The following CTPS1 variants were observed in gnomAD, a reference collection of about 807,000 sequenced individuals.
The protein encoded by CTPS1 is CTP synthetase 1.
Under a neutral mutation model 80.5 loss-of-function variants are expected in CTPS1, and 25 were observed. That is an observed-to-expected ratio of 0.31 (90% CI 0.23 to 0.43). CTPS1 has a LOEUF of 0.43. Ranked by LOEUF, CTPS1 falls within the 20% of genes least tolerant of loss-of-function variation. The pLI is 1.00. For missense variants in CTPS1, 442 were observed against 725.7 expected, an observed-to-expected ratio of 0.61 and a Z score of 4.49; for synonymous variants, 267 against 252.5, an observed-to-expected ratio of 1.06 and a Z score of -0.54.
rs1558143660 is a variant in CTPS1 at position 40,991,723 on chromosome 1, A to AT, written c.640-36dup. On this transcript the variant is annotated intron_variant, in intron 6 of 18. Coordinates refer to ENST00000650070, the MANE Select transcript of CTPS1 (RefSeq NM_001905.4). ...GTCAGGAGAAACCCCTACTTCTGTC[A>AT]TTTTTTCCTTCTGTCTAAGCCATCT... 4.2e-6 allele frequency: 6 copies of AT among 1,434,432 alleles called. No homozygotes were observed. In the East Asian group the frequency reaches 6.9e-5, roughly 16 times the overall value. 88.9% of individuals were successfully genotyped at this position (1,434,432 alleles called of 1,614,324 possible).
intron 7 of CTPS1, among the ~76,000 whole-genome samples, chr1:40,992,808 C>T (rs1257746410): frequency 2.0e-5 from 3 of 151,122 alleles, no homozygotes; most frequent in East Asian, 2.0e-4. Flanking sequence ...ATTCTCCTAC[C>T]TCAGCTTCCC....
At chr1:40,987,766 C>A (rs1203837381) in intron 4 of CTPS1, among the ~76,000 whole-genome samples, 3 of 152,166 alleles carry the variant, frequency 2.0e-5, no homozygotes, top group South Asian at 2.1e-4. Flanking sequence ...GTCAGCAGAT[C>A]TTTTGCTTTC....
intron 6 of CTPS1, 141 bp downstream of exon 6, chr1:40,991,389 G>C (rs967659461): frequency 1.5e-6 from 1 of 659,730 alleles, no homozygotes; most frequent in Non-Finnish European, 2.5e-6. Flanking sequence ...TCTTTGAACC[G>C]GGCTGTAGTT....
chr1:40,997,921 G>T (rs923847095), intron 9 of CTPS1, among the ~76,000 whole-genome samples: 1 of 152,230 alleles, frequency 6.6e-6, no homozygotes, highest in Non-Finnish European at 1.5e-5. Flanking sequence ...ACTTATTGCA[G>T]AGTGGGAATG....
intron 5 of CTPS1, among the ~76,000 whole-genome samples, chr1:40,989,474 G>T (rs1213350027): frequency 6.6e-6 from 1 of 152,254 alleles, no homozygotes; most frequent in Non-Finnish European, 1.5e-5. Flanking sequence ...GTCTTCTGGG[G>T]TATGGATAGC....
chr1:41,001,254 C>T, intron 10 of CTPS1, 137 bp downstream of exon 10: 1 of 597,988 alleles, frequency 1.7e-6, no homozygotes, highest in East Asian at 3.6e-5. Context: ...GACTACATGC[C>T]ATCTGATTTA....
chr1:40,983,942 A>G (rs1056325509), intron 2 of CTPS1, among the ~76,000 whole-genome samples: 3 of 152,212 alleles, frequency 2.0e-5, no homozygotes, highest in Admixed American at 6.5e-5. Flanking sequence ...GAACCTGTCA[A>G]TGGTGTGACA....
chr1:40,984,364 A>G (rs1049517114), intron 2 of CTPS1, among the ~76,000 whole-genome samples: 2 of 152,254 alleles, frequency 1.3e-5, no homozygotes, highest in Non-Finnish European at 2.9e-5. Flanking sequence ...TTTAGAACAA[A>G]AGCAGAGCTC....
At chr1:40,995,814 G>T in intron 7 of CTPS1, 103 bp from the exon 8 acceptor site, 1 of 1,220,308 alleles carries the variant, frequency 8.2e-7, no homozygotes, top group South Asian at 1.5e-5. Context: ...CCTTTTTTCT[G>T]TTTTCAAATA....
intron 9 of CTPS1, among the ~76,000 whole-genome samples, chr1:41,000,215 A>ATGTTTTGTTT (rs113751290): frequency 7.0e-4 from 104 of 147,540 alleles, no homozygotes; most frequent in African/African-American, 2.0e-3. Context: ...ATGGTAACTT[A>ATGTTTTGTTT]TGTTTTGTTT....
rs932574746 is a variant in CTPS1, at chr1:41,007,327, A to T, written c.1297-122A>T. The stretch of plus-strand genomic sequence containing the variant: ...ATTTTCTTCTGTGACAAAATGTCTC[A>T]TAAGGAAAGCCTGGAGAATTAGAGC... On this transcript the variant is annotated intron_variant, in intron 13 of 18. Coordinates refer to ENST00000650070, the MANE Select transcript of CTPS1 (RefSeq NM_001905.4). This position sits in a 1 kb window ranked among gnomAD's most constrained non-coding sequence, Gnocchi z 4.4. 64 of 802,946 alleles carry T rather than the reference A, an allele frequency of 8.0e-5. No homozygotes were observed. Among genetic ancestry groups the T allele is most frequent in the Admixed American group, 5.5e-4 (22 of 40,108 alleles). 49.7% of individuals were successfully genotyped at this position (802,946 alleles called of 1,614,324 possible). A position where few individuals can be genotyped will look rare whatever the true frequency, so the allele number is the denominator to read the frequency against.
Position 40,988,483 on chromosome 1 carries a change from C to T in CTPS1, c.439-111C>T, listed in dbSNP as rs879145537. 4.3e-5 allele frequency: 31 copies of T among 721,216 alleles called. No homozygotes were observed. The Middle Eastern group carries it at 7.6e-4, about 18-fold the overall frequency. The allele number at this position is 721,216 out of a possible 1,614,324, so 44.7% of individuals were successfully genotyped here. Reference sequence around the variant, plus strand: ...TAACATTATACAGGGTTAGAGAGTCCGTGTTACATAATTACTGATACTGAA... The same window carrying T: ...TAACATTATACAGGGTTAGAGAGTCTGTGTTACATAATTACTGATACTGAA... On this transcript the variant is annotated intron_variant, in intron 4 of 18. Transcript: ENST00000650070.
chr1:40,984,452 T>G (rs952977333), intron 2 of CTPS1, among the ~76,000 whole-genome samples: 1 of 152,270 alleles, frequency 6.6e-6, no homozygotes, highest in Admixed American at 6.5e-5. Flanking sequence ...TATCATACTT[T>G]AAACCATATT....
At chr1:40,996,111 T>A (rs747865284) in intron 8 of CTPS1, 43 bp downstream of exon 8, 3 of 1,611,274 alleles carry the variant, frequency 1.9e-6, no homozygotes, top group Non-Finnish European at 2.5e-6. Flanking sequence ...CCTCCTTTAC[T>A]CTTTTGTAGG....
intron 1 of CTPS1, chr1:40,981,926 T>A (rs1642318856): frequency 1.6e-6 from 2 of 1,248,218 alleles, no homozygotes; most frequent in African/African-American, 3.1e-5. Flanking sequence ...TGTTCCTTAG[T>A]TTATTTTTAT....
intron 1 of CTPS1, chr1:40,981,166 G>C (rs1651875165): frequency 6.6e-6 from 1 of 152,184 alleles, no homozygotes; most frequent in Non-Finnish European, 1.5e-5. Flanking sequence ...TGGACTGCCA[G>C]AAAGTTGAGA....
intron 9 of CTPS1, among the ~76,000 whole-genome samples, chr1:41,000,593 A>G (rs374350065): frequency 6.6e-6 from 1 of 152,038 alleles, no homozygotes; most frequent in East Asian, 1.9e-4. Flanking sequence ...AAACTCTTCA[A>G]AGTATGCACT....
intron 12 of CTPS1, among the ~76,000 whole-genome samples, 175 bp from the exon 13 acceptor site, chr1:41,005,876 C>G (rs1643021065): frequency 6.6e-6 from 1 of 152,160 alleles, no homozygotes; most frequent in Non-Finnish European, 1.5e-5. Flanking sequence ...TGCACTCCAG[C>G]CTGGACAACA....
rs1003752907 is a variant in CTPS1, at chr1:40,997,460, C to G, written c.939C>G (p.Ser313=). Residue 313 remains serine (S), a synonymous_variant, in exon 9 of 19, where the codon TCC becomes TCG. Transcript: ENST00000650070. The part of the protein sequence containing the change: ...LVGKYTKFSD[S]YASVIKALEH... ...GCAAATACACGAAGTTCTCAGACTC[C>G]TATGCCTCTGTCATTAAGGCTCTGG... 3.7e-6 allele frequency: 6 copies of G among 1,614,078 alleles called. No homozygotes were observed. The highest frequency in any genetic ancestry group is 5.1e-6 in the Non-Finnish European group (6 of 1,180,036).
Sources: allele counts gnomAD v4.1 joint callset (sites outside exome capture counted in the v4.1 genomes callset), GRCh38; gene constraint gnomAD v4.1.1; non-coding constraint Gnocchi (gnomAD v3.1); transcripts MANE v1.5; gene names NCBI Gene and HGNC (gene_info 2026-07-23, HGNC 2026-07-21).